CCDC186: variants seen among roughly 807,000 people sequenced by gnomAD.
CCDC186 encodes coiled-coil domain-containing protein 186.
A neutral mutation model predicts 113.7 loss-of-function variants in CCDC186; 49 were observed. That is an observed-to-expected ratio of 0.43 (90% CI 0.34 to 0.55). The LOEUF is 0.55. CCDC186 is among the 20% of genes least tolerant of loss of function. The pLI is 0.02. For missense variants in CCDC186, 890 were observed against 1,011.1 expected, an observed-to-expected ratio of 0.88 and a Z score of 1.62; for synonymous variants, 355 against 345.8, an observed-to-expected ratio of 1.03 and a Z score of -0.30.
chr10:114,157,538 T>TTTTTGTC lies in CCDC186; in HGVS notation c.759+9_759+15dup. 1 of 1,578,236 alleles carries TTTTTGTC rather than the reference T, an allele frequency of 6.3e-7. No homozygotes were observed. ...TTAATTGAAGTATAGTCTTCGAAGA[T>TTTTTGTC]TTTTGTCTTTTTTACCTGTTTAATT... On this transcript the variant is annotated intron_variant, in intron 3 of 15. Coordinates refer to ENST00000369287, the MANE Select transcript of CCDC186 (RefSeq NM_018017.4).
At chr10:114,152,498 T>C (rs2031885883) in intron 3 of CCDC186, among the ~76,000 whole-genome samples, 1 of 152,180 alleles carries the variant, frequency 6.6e-6, no homozygotes, top group Non-Finnish European at 1.5e-5. Context: ...GGGAACTCTG[T>C]ACTGTATAGT....
At position 114,165,864 on chromosome 10, in the gene CCDC186, T is replaced by G. The variant is rs868115871; in HGVS notation, c.-61-2535A>C. 30 of 463,960 alleles carry G rather than the reference T, an allele frequency of 6.5e-5. No homozygotes were observed. The African/African-American group carries it at 7.5e-4, about 12-fold the overall frequency. The allele number at this position is 463,960 out of a possible 1,614,324, so 28.7% of individuals were successfully genotyped here. A position where few individuals can be genotyped will look rare whatever the true frequency, so the allele number is the denominator to read the frequency against. ...CACTTTGTCTCAAAAAAAAAAAAAG[T>G]AAGGAGAGGGAGCACATCTTTGAGT... On this transcript the variant is annotated intron_variant, in intron 1 of 15. Coordinates refer to ENST00000369287, the MANE Select transcript of CCDC186 (RefSeq NM_018017.4).
chr10:114,170,414 G>A (rs994619697), intron 1 of CCDC186, among the ~76,000 whole-genome samples: 4 of 152,094 alleles, frequency 2.6e-5, no homozygotes, highest in African/African-American at 9.7e-5. Context: ...TCAAATTCCT[G>A]GGCTCAACTG....
chr10:114,163,496 C>A (rs966175764), intron 1 of CCDC186, among the ~76,000 whole-genome samples, 167 bp from the exon 2 acceptor site: 1 of 152,190 alleles, frequency 6.6e-6, no homozygotes, highest in East Asian at 1.9e-4. Context: ...ACAGCTAACC[C>A]AAGCTGGCTA....
intron 8 of CCDC186, 46 bp downstream of exon 8, chr10:114,136,102 G>A: frequency 1.3e-6 from 2 of 1,536,656 alleles, no homozygotes; most frequent in Non-Finnish European, 1.8e-6. Flanking sequence ...TTCTCTTTCT[G>A]TATTTATTAT....
intron 14 of CCDC186, among the ~76,000 whole-genome samples, 194 bp from the exon 15 acceptor site, chr10:114,126,299 G>T (rs1399031640): frequency 1.3e-5 from 2 of 152,166 alleles, no homozygotes; most frequent in African/African-American, 4.8e-5. Flanking sequence ...AGCATTCGGA[G>T]TAAAGACATA....
rs575096538 is a variant in CCDC186 at position 114,122,830 on chromosome 10, T to C, written c.*2313A>G. 1 of 152,312 alleles carries C rather than the reference T, an allele frequency of 6.6e-6. No homozygotes were observed. Among genetic ancestry groups the C allele is most frequent in the Admixed American group, 6.5e-5 (1 of 15,300 alleles). 9.4% of individuals were successfully genotyped at this position (152,312 alleles called of 1,614,324 possible). ...ACTAAAGCATTTTCTTTAAAAAATT[T>C]CCAGTTTCTAAAATGTATAAGGCAA... On this transcript the variant is annotated 3_prime_UTR_variant, in exon 16 of 16. Coordinates refer to ENST00000369287, the MANE Select transcript of CCDC186 (RefSeq NM_018017.4).
chr10:114,166,976 T>G (rs1444498488), intron 1 of CCDC186, among the ~76,000 whole-genome samples: 1 of 151,704 alleles, frequency 6.6e-6, no homozygotes, highest in Non-Finnish European at 1.5e-5. Flanking sequence ...AGAAAAATCA[T>G]GTAAATTGGC....
chr10:114,158,063 AT>A (rs2032062186), intron 2 of CCDC186, among the ~76,000 whole-genome samples: 1 of 152,210 alleles, frequency 6.6e-6, no homozygotes, highest in Non-Finnish European at 1.5e-5. Context: ...GTCTGAAGAC[AT>A]TTTTGGTTGT....
intron 6 of CCDC186, among the ~76,000 whole-genome samples, chr10:114,143,625 G>A (rs1423201910): frequency 1.3e-5 from 2 of 152,112 alleles, no homozygotes; most frequent in East Asian, 3.9e-4. Flanking sequence ...TTTGACCACT[G>A]TCAACAGAGA....
intron 1 of CCDC186, chr10:114,165,954 G>T: frequency 3.0e-6 from 3 of 983,904 alleles, no homozygotes; most frequent in Non-Finnish European, 3.6e-6. Flanking sequence ...AGAAAACAAT[G>T]AGTTTGTGAC....
At chr10:114,173,535 G>A (rs557578007) in intron 1 of CCDC186, among the ~76,000 whole-genome samples, 2 of 152,166 alleles carry the variant, frequency 1.3e-5, no homozygotes, top group Admixed American at 1.3e-4. Context: ...AAGGAACTTA[G>A]AATCACAGTA....
At chr10:114,149,838 A>AAGGCAGGCAGGCAGGCAGGC (rs1170943023) in intron 4 of CCDC186, among the ~76,000 whole-genome samples, 5,648 of 105,724 alleles carry the variant, frequency 0.053, 385 homozygotes, top group Middle Eastern at 0.11. Context: ...GGAAGGCAGG[A>AAGGCAGGCAGGCAGGCAGGC]AGGCAGGCAG....
chr10:114,167,701 G>A (rs1390330928), intron 1 of CCDC186, among the ~76,000 whole-genome samples: 2 of 148,788 alleles, frequency 1.3e-5, no homozygotes, highest in Non-Finnish European at 1.5e-5. Flanking sequence ...TGGGGGTGCA[G>A]CATGTAATCC....
At position 114,132,000 on chromosome 10, in the gene CCDC186, C is replaced by G. The variant is rs1369132297; in HGVS notation, c.1840G>C (p.Asp614His). The G allele has an allele frequency of 2.5e-6, 4 of 1,613,030 alleles. No individual in the cohort carries two copies. Among genetic ancestry groups the G allele is most frequent in the Non-Finnish European group, 3.4e-6 (4 of 1,179,638 alleles). ...TGACTTTCACTACAGGAAACTTTAT[C>G]AAATTGTGACTGCAAAGAATTGGAT... is the stretch of plus-strand genomic sequence containing the variant. Reference protein sequence around the residue: ...SESNSLQSQFDKVSCSESQLQ... With the variant: ...SESNSLQSQFHKVSCSESQLQ... Residue 614 changes from aspartate (D) to histidine (H), a missense_variant, in exon 11 of 16, where the codon GAT becomes CAT. Physicochemically the swap from Asp to His is moderately conservative, Grantham distance 81 (BLOSUM62 -1). Coordinates refer to ENST00000369287, the MANE Select transcript of CCDC186 (RefSeq NM_018017.4).
In CCDC186 at chr10:114,131,306, G is replaced by T. The variant is rs199821888; in HGVS notation, c.1942C>A (p.Arg648=). 2.7e-5 allele frequency: 43 copies of T among 1,589,862 alleles called. No homozygotes were observed. In the Admixed American group the frequency reaches 4.6e-4, roughly 17 times the overall value. The change falls in exon 12 of 16, where the codon CGA becomes AGA. Residue 648 remains arginine, a synonymous_variant. Coordinates refer to ENST00000369287, the MANE Select transcript of CCDC186 (RefSeq NM_018017.4). ...TGCAGAGTTTGGACTTCCTCTTTTC[G>T]CAGTTCTTCCTCTTTCAACAACCTA... The part of the protein sequence containing the change: ...ESRLLKEEEL[R]KEEVQTLQAE...
rs1206613700 is a variant in CCDC186, at chr10:114,174,073, G to A, written c.-120C>T. The A allele has an allele frequency of 4.2e-6, 2 of 472,146 alleles. No individual in the cohort carries two copies. Among genetic ancestry groups the A allele is most frequent in the South Asian group, 1.5e-5 (1 of 64,576 alleles). The allele number at this position is 472,146 out of a possible 1,614,324, so 29.2% of individuals were successfully genotyped here. A position where few individuals can be genotyped will look rare whatever the true frequency, so the allele number is the denominator to read the frequency against. On this transcript the variant is annotated 5_prime_UTR_variant, in exon 1 of 16. Coordinates refer to ENST00000369287, the MANE Select transcript of CCDC186 (RefSeq NM_018017.4). Reference sequence around the variant, plus strand: ...AAGGCTGCTGGAGCTCTGGCTCAGGGGCCAACTTTTCCATAGCGGGGTCCA... The same window carrying A: ...AAGGCTGCTGGAGCTCTGGCTCAGGAGCCAACTTTTCCATAGCGGGGTCCA...
At chr10:114,129,548 A>AT (rs2031020628) in intron 13 of CCDC186, among the ~76,000 whole-genome samples, 1 of 152,042 alleles carries the variant, frequency 6.6e-6, no homozygotes, top group Non-Finnish European at 1.5e-5. Context: ...TTATTTATTT[A>AT]TTTTTTGAGA....
chr10:114,168,575 C>T (rs2032400503), intron 1 of CCDC186, among the ~76,000 whole-genome samples: 1 of 152,214 alleles, frequency 6.6e-6, no homozygotes, highest in South Asian at 2.1e-4. Flanking sequence ...GACCACTAAA[C>T]TGGCTCGACT....
Sources: gnomAD v4.1 joint callset for allele counts (sites outside exome capture counted in the v4.1 genomes callset) on GRCh38, gnomAD v4.1.1 for gene constraint, MANE v1.5 for transcripts, NCBI Gene and HGNC (gene_info 2026-07-23, HGNC 2026-07-21) for gene names.